C2: variants seen among roughly 807,000 people sequenced by gnomAD.
C2 encodes the protein complement C2.
In C2, 64 loss-of-function variants were observed where a neutral mutation model predicts 85.2. That is an observed-to-expected ratio of 0.75 (90% CI 0.61 to 0.92). The LOEUF (loss-of-function observed/expected upper bound fraction) is 0.92, where lower values mean the gene tolerates loss of function less well. Ranked by LOEUF, C2 falls within the 40% of genes least tolerant of loss-of-function variation. The pLI is 0.00. For synonymous variants in C2, 311 were observed against 370.8 expected (o/e 0.84, Z 1.85); for missense variants, 820 against 971.6 (o/e 0.84, Z 2.07).
upstream of C2, among the ~76,000 whole-genome samples, chr6:31,898,660 T>C (rs1766899728): frequency 6.6e-6 from 1 of 151,134 alleles, no homozygotes; most frequent in South Asian, 2.1e-4. Context: ...TTTTTTTTTT[T>C]AGCTTTCCTG....
upstream of C2, chr6:31,900,495 C>T: frequency 3.1e-6 from 5 of 1,609,970 alleles, no homozygotes; most frequent in Non-Finnish European, 4.2e-6. This position sits in a 1 kb window ranked among gnomAD's most constrained non-coding sequence, Gnocchi z 9.7. Context: ...TCTGCATCTT[C>T]CGACAGGCTA....
intron 1 of C2, among the ~76,000 whole-genome samples, chr6:31,913,688 C>T (rs1768283258): frequency 6.6e-6 from 1 of 152,110 alleles, no homozygotes; most frequent in African/African-American, 2.4e-5. Flanking sequence ...ATTCTGTCAC[C>T]CTGGCTGGAG....
intron 1 of C2, among the ~76,000 whole-genome samples, chr6:31,905,641 T>A (rs1767667002): frequency 6.6e-6 from 1 of 151,924 alleles, no homozygotes; most frequent in African/African-American, 2.4e-5. Context: ...ATACATTTTT[T>A]AAAGGAAATA....
chr6:31,907,594 A>T (rs917427226), intron 1 of C2, among the ~76,000 whole-genome samples: 10 of 151,312 alleles, frequency 6.6e-5, no homozygotes. Context: ...AAAAAAAAAA[A>T]AAAAAAAAAA....
At chr6:31,933,584 C>T (rs1770105026) in intron 3 of C2, 26 bp from the exon 4 acceptor site, 3 of 1,612,246 alleles carry the variant, frequency 1.9e-6, no homozygotes, top group African/African-American at 1.3e-5. Context: ...GGCTACTCAC[C>T]TCTGCCTTCC....
chr6:31,911,749 C>T (rs1768119135), intron 1 of C2, among the ~76,000 whole-genome samples: 1 of 151,730 alleles, frequency 6.6e-6, no homozygotes, highest in African/African-American at 2.4e-5. Flanking sequence ...CCTGCCTCAG[C>T]CTCCCAAGTA....
At chr6:31,919,934 ATCTTC>A (rs1768850520), upstream of C2, 1 of 152,196 alleles carries the variant, frequency 6.6e-6, no homozygotes, top group Non-Finnish European at 1.5e-5. Flanking sequence ...AGGGTAGCCG[ATCTTC>A]TCCTTTTGAT....
chr6:31,935,532 C>T lies in C2; in HGVS notation c.850-391C>T, dbSNP rs953963600. ...TCACCCAGGCTGGAGTACAGTGGTG[C>T]GATCTCAGCTCACTGCAAACTTTGC... is the stretch of plus-strand genomic sequence containing the variant. On this transcript the variant is annotated intron_variant, in intron 6 of 17. Transcript: ENST00000299367. The surrounding 1 kb of genome is among the most constrained non-coding windows in gnomAD (Gnocchi z 4.3). 6 of 270,648 alleles carry T rather than the reference C, an allele frequency of 2.2e-5. No individual in the cohort carries two copies. The highest frequency in any genetic ancestry group is 3.6e-5 in the Non-Finnish European group (5 of 137,052). 16.8% of individuals were successfully genotyped at this position (270,648 alleles called of 1,614,324 possible).
rs745306334 is a variant in C2 at position 31,933,906 on chromosome 6, C to A, written c.656C>A (p.Ala219Asp). 6 of 1,614,070 alleles carry A rather than the reference C, an allele frequency of 3.7e-6. No homozygotes were observed. In the Admixed American group the frequency reaches 1.0e-4, roughly 27 times the overall value. ...SYDFPEDVAP[A>D]LGTSFSHMLG... ...GACTTCCCTGAGGACGTGGCCCCTGCCCTGGGCACTTCCTTCTCCCACATG... is the reference window on the plus strand; with the variant it reads ...GACTTCCCTGAGGACGTGGCCCCTGACCTGGGCACTTCCTTCTCCCACATG... Residue 219 changes from alanine to aspartate, a missense_variant, in exon 5 of 18, where the codon GCC (alanine) becomes GAC (aspartate). Coordinates refer to ENST00000299367, the MANE Select transcript of C2 (RefSeq NM_000063.6).
intron 6 of C2, 58 bp downstream of exon 6, chr6:31,934,357 T>G: frequency 1.2e-6 from 2 of 1,611,288 alleles, no homozygotes; most frequent in South Asian, 2.2e-5. Flanking sequence ...TATCTCTCTC[T>G]GTCTCCTTCC....
At chr6:31,924,915 C>T (rs776394284), upstream of C2, among the ~76,000 whole-genome samples, 1 of 152,144 alleles carries the variant, frequency 6.6e-6, no homozygotes, top group African/African-American at 2.4e-5. Context: ...TCTGGGCTGA[C>T]CTTGTGATTT....
At chr6:31,925,842 G>A (rs1029383868), upstream of C2, among the ~76,000 whole-genome samples, 6 of 152,058 alleles carry the variant, frequency 3.9e-5, no homozygotes, top group African/African-American at 1.2e-4. Context: ...CCACCTTTAC[G>A]ATAGTTTATT....
At chr6:31,929,885 G>A (rs892224638) in intron 3 of C2, among the ~76,000 whole-genome samples, 13 of 150,894 alleles carry the variant, frequency 8.6e-5, no homozygotes, top group Admixed American at 5.9e-4. Context: ...TTAGCTGGGC[G>A]TGGTTAATCC....
At chr6:31,914,029 G>A (rs576922094) in intron 1 of C2, among the ~76,000 whole-genome samples, 17 of 151,336 alleles carry the variant, frequency 1.1e-4, no homozygotes, top group Middle Eastern at 6.9e-3. Context: ...TCAAGTGATT[G>A]TCCTGCCTCA....
chr6:31,929,781 T>C (rs1434811536), intron 3 of C2, among the ~76,000 whole-genome samples: 5 of 146,978 alleles, frequency 3.4e-5, no homozygotes, highest in Non-Finnish European at 7.4e-5. Context: ...CCCAGCACTT[T>C]GGGAGGCTGA....
Position 31,920,301 on chromosome 6 carries a change from C to A in C2, c.-100+275C>A, listed in dbSNP as rs1157169772. 6.6e-6 allele frequency: 1 copy of A among 152,220 alleles called. No individual in the cohort carries two copies. Among genetic ancestry groups the A allele is most frequent in the Admixed American group, 6.6e-5 (1 of 15,266 alleles). 9.4% of individuals were successfully genotyped at this position (152,220 alleles called of 1,614,324 possible). On this transcript the variant is annotated intron_variant, in intron 1 of 3. Transcript: ENST00000413154. This position sits in a 1 kb window ranked among gnomAD's most constrained non-coding sequence, Gnocchi z 5.6. ...TTCTCCCATGTGAGCCCCAGGCTAT[C>A]CTTTTGTCAAGAGGGTACTGGTACC... is the stretch of plus-strand genomic sequence containing the variant.
chr6:31,919,149 TTTTTTTTTTCTGGAGA>T (rs1216011540), upstream of C2, among the ~76,000 whole-genome samples: 1 of 151,192 alleles, frequency 6.6e-6, no homozygotes, highest in African/African-American at 2.4e-5. Flanking sequence ...CTTTTCTTTT[TTTTTTTTTTCTGGAGA>T]CGGAGTTTTG....
chr6:31,899,482 T>A (rs1366090931), upstream of C2: 1 of 168,366 alleles, frequency 5.9e-6, no homozygotes, highest in Admixed American at 6.0e-5. Context: ...TCACCCCAGG[T>A]CTATTCTAAG....
At chr6:31,925,534 C>A (rs1769209853), upstream of C2, among the ~76,000 whole-genome samples, 1 of 152,164 alleles carries the variant, frequency 6.6e-6, no homozygotes, top group Non-Finnish European at 1.5e-5. Flanking sequence ...CTCAGGTGAT[C>A]CCCCTGCCTC....
Sources: allele counts gnomAD v4.1 joint callset (sites outside exome capture counted in the v4.1 genomes callset), GRCh38; gene constraint gnomAD v4.1.1; non-coding constraint Gnocchi (gnomAD v3.1); transcripts MANE v1.5; gene names NCBI Gene and HGNC (gene_info 2026-07-23, HGNC 2026-07-21).